Variants in NECTIN3 observed in about 807,000 individuals in gnomAD.
NECTIN3 encodes nectin-3.
In NECTIN3, 8 loss-of-function variants were observed where a neutral mutation model predicts 49.4. That is an observed-to-expected ratio of 0.16 (90% confidence interval 0.10 to 0.29). The LOEUF (loss-of-function observed/expected upper bound fraction) is 0.29. Among genes scored for constraint, NECTIN3 ranks in the 10% least tolerant of loss-of-function variants. The probability of loss-of-function intolerance (pLI) is 1.00; values close to 1 mark genes in which losing one functional copy is unlikely to be tolerated. For missense variants in NECTIN3, 581 were observed against 654.6 expected (o/e 0.89, Z 1.23); for synonymous variants, 277 against 241.1 (o/e 1.15, Z -1.38).
At chr3:111,192,442 C>A (rs532455083) in intron 1 of NECTIN3, 2 of 1,510,646 alleles carry the variant, frequency 1.3e-6, no homozygotes, top group Admixed American at 2.0e-5. Flanking sequence ...GGTATCAGCC[C>A]AGGTGGAGCT....
upstream of NECTIN3, among the ~76,000 whole-genome samples, chr3:111,187,640 G>A (rs2035745584): frequency 6.6e-6 from 1 of 152,120 alleles, no homozygotes; most frequent in Admixed American, 6.6e-5. Context: ...AAACCATCAA[G>A]TCATGAAAAG....
chr3:111,128,850 C>T (rs1181222512), intron 5 of NECTIN3, among the ~76,000 whole-genome samples: 1 of 152,118 alleles, frequency 6.6e-6, no homozygotes, highest in East Asian at 1.9e-4. Flanking sequence ...CCTGTGTCCC[C>T]CTTCAGTTTG....
intron 2 of NECTIN3, among the ~76,000 whole-genome samples, chr3:111,115,949 GT>G (rs2033675624): frequency 6.6e-6 from 1 of 152,116 alleles, no homozygotes; most frequent in Non-Finnish European, 1.5e-5. Flanking sequence ...AAAAACAGGT[GT>G]TGGTGATTGG....
chr3:111,138,702 C>G (rs2034659109), downstream of NECTIN3, among the ~76,000 whole-genome samples: 2 of 151,548 alleles, frequency 1.3e-5, no homozygotes, highest in African/African-American at 4.8e-5. Context: ...TTTTTTCTGG[C>G]TGGTTGCTAA....
intron 1 of NECTIN3, chr3:111,073,028 A>G (rs1249478040): frequency 8.5e-6 from 1 of 118,230 alleles, no homozygotes; most frequent in East Asian, 2.6e-4. Context: ...GACTGTGCTA[A>G]AAAAAAAAAA....
chr3:111,097,494 C>T (rs1316005171), intron 1 of NECTIN3, among the ~76,000 whole-genome samples: 1 of 151,998 alleles, frequency 6.6e-6, no homozygotes, highest in Non-Finnish European at 1.5e-5. Flanking sequence ...TGGGAGGGGC[C>T]AGAGATGGAA....
At chr3:111,182,957 A>C (rs1025711738) in intron 7 of NECTIN3, among the ~76,000 whole-genome samples, 4 of 151,830 alleles carry the variant, frequency 2.6e-5, no homozygotes, top group Admixed American at 6.6e-5. Flanking sequence ...TAGCTGAGTG[A>C]TTAAGTATTT....
intron 5 of NECTIN3, among the ~76,000 whole-genome samples, chr3:111,132,699 T>C (rs937420594): frequency 6.6e-6 from 1 of 151,954 alleles, no homozygotes; most frequent in Non-Finnish European, 1.5e-5. Context: ...CACAGATTCC[T>C]TTGCATCTAA....
At chr3:111,111,743 T>A (rs1194826728) in intron 1 of NECTIN3, among the ~76,000 whole-genome samples, 1 of 152,172 alleles carries the variant, frequency 6.6e-6, no homozygotes, top group Non-Finnish European at 1.5e-5. Flanking sequence ...AATCTAGTGC[T>A]TTTTTCACTG....
Position 111,187,307 on chromosome 3 carries a change from G to A in NECTIN3, c.1222-5044G>A, listed in dbSNP as rs1289204528. On this transcript the variant is annotated intron_variant, in intron 7 of 8. Coordinates refer to the NECTIN3 transcript ENST00000493615. Reference sequence around the variant, plus strand: ...AGTCCCAGCTACTTGGGAGGCTGAGGGAGGAGGATCGCTTGAACTCAGGCG... The same window carrying A: ...AGTCCCAGCTACTTGGGAGGCTGAGAGAGGAGGATCGCTTGAACTCAGGCG... Among the ~76,000 whole-genome samples the A allele has an allele frequency of 2.6e-5, 4 of 152,278 alleles. No individual in the cohort carries two copies. In the East Asian group the frequency reaches 5.8e-4, roughly 22 times the overall value.
intron 7 of NECTIN3, among the ~76,000 whole-genome samples, chr3:111,164,697 C>A (rs916825094): frequency 1.3e-5 from 2 of 152,182 alleles, no homozygotes; most frequent in Non-Finnish European, 2.9e-5. Context: ...TGTTCTTCCT[C>A]TCTATAACTA....
chr3:111,076,143 A>G (rs538600044), intron 1 of NECTIN3, among the ~76,000 whole-genome samples: 2 of 152,184 alleles, frequency 1.3e-5, no homozygotes, highest in East Asian at 3.9e-4. Context: ...ACTTTCATCT[A>G]TTTACAATTT....
intron 1 of NECTIN3, among the ~76,000 whole-genome samples, chr3:111,108,925 G>A (rs1158003079): frequency 1.3e-5 from 2 of 152,036 alleles, no homozygotes; most frequent in Admixed American, 1.3e-4. Context: ...ATTTGTAGGG[G>A]ACAAAACATC....
At chr3:111,074,019 G>A (rs1470596469) in intron 1 of NECTIN3, among the ~76,000 whole-genome samples, 1 of 151,050 alleles carries the variant, frequency 6.6e-6, no homozygotes, top group Non-Finnish European at 1.5e-5. Flanking sequence ...AGCAGGTGTA[G>A]TGTTTAGAGT....
At chr3:111,098,310 A>G (rs1354510207) in intron 1 of NECTIN3, among the ~76,000 whole-genome samples, 2 of 152,236 alleles carry the variant, frequency 1.3e-5, no homozygotes, top group Non-Finnish European at 2.9e-5. Context: ...ATAACACATT[A>G]TCATAAACTA....
intron 1 of NECTIN3, among the ~76,000 whole-genome samples, chr3:111,092,081 A>G (rs2032304701): frequency 2.0e-5 from 3 of 152,128 alleles, no homozygotes; most frequent in East Asian, 3.8e-4. Context: ...GGCCATTTAT[A>G]TATGTTCTCT....
intron 3 of NECTIN3, among the ~76,000 whole-genome samples, chr3:111,121,772 T>C (rs1241956888): frequency 1.3e-5 from 2 of 152,210 alleles, no homozygotes; most frequent in Admixed American, 1.3e-4. Flanking sequence ...TTAAATACTA[T>C]AATGTATTTG....
intron 7 of NECTIN3, among the ~76,000 whole-genome samples, chr3:111,187,041 A>C (rs1279517299): frequency 2.0e-5 from 3 of 152,286 alleles, no homozygotes; most frequent in Admixed American, 1.3e-4. Flanking sequence ...CCTGTTGAGG[A>C]CATGGAGCAG....
chr3:111,123,743 T>C (rs988679854), intron 4 of NECTIN3, among the ~76,000 whole-genome samples: 1 of 152,136 alleles, frequency 6.6e-6, no homozygotes, highest in Admixed American at 6.5e-5. Flanking sequence ...TTGGCTGCTT[T>C]CTCATCCATG....
Sources: allele counts gnomAD v4.1 joint callset (sites outside exome capture counted in the v4.1 genomes callset), GRCh38; gene constraint gnomAD v4.1.1; transcripts MANE v1.5; gene names NCBI Gene and HGNC (gene_info 2026-07-23, HGNC 2026-07-21).